Variants in TRIP12 observed in about 807,000 individuals in gnomAD.
The protein encoded by TRIP12 is thyroid hormone receptor interactor 12, also known as E3 ubiquitin-protein ligase TRIP12.
TRIP12 carries 25 observed loss-of-function variants against 244.2 expected under a neutral mutation model. That is an observed-to-expected ratio of 0.10 (90% CI 0.07 to 0.14). The LOEUF (loss-of-function observed/expected upper bound fraction) is 0.14. Among genes scored for constraint, TRIP12 ranks in the 10% least tolerant of loss-of-function variants. The probability of loss-of-function intolerance (pLI) is 1.00; values close to 1 mark genes in which losing one functional copy is unlikely to be tolerated. For missense variants in TRIP12, 1,677 were observed against 2,486.4 expected, an observed-to-expected ratio of 0.67 and a Z score of 6.92; for synonymous variants, 905 against 873.1, an observed-to-expected ratio of 1.04 and a Z score of -0.64.
rs745841963 is a variant in TRIP12 at position 229,846,821 on chromosome 2, A to G, written c.1028-5894T>C. On this transcript the variant is annotated intron_variant, in intron 4 of 41. Transcript: ENST00000675903. ...AAAGCAAATTTTTATTTCCTAGTCA[A>G]TGCACAGCATTTCATGCACTGATTT... Among the ~76,000 whole-genome samples, 11 of 152,362 alleles carry G rather than the reference A, an allele frequency of 7.2e-5. No homozygotes were observed. The South Asian group carries it at 8.3e-4, about 11-fold the overall frequency.
chr2:229,788,967 T>C (rs771950145), intron 31 of TRIP12, 27 bp from the exon 32 acceptor site: 7 of 1,511,440 alleles, frequency 4.6e-6, no homozygotes, highest in Admixed American at 1.9e-5. Flanking sequence ...AAAAAAAAAG[T>C]CTACATGTAG....
intron 7 of TRIP12, among the ~76,000 whole-genome samples, chr2:229,829,820 G>A (rs2154297772): frequency 6.6e-6 from 1 of 152,256 alleles, no homozygotes; most frequent in East Asian, 1.9e-4. Flanking sequence ...GCAGTGGCAG[G>A]CACCTGTAAT....
At chr2:229,881,232 T>C (rs1223956224) in intron 1 of TRIP12, among the ~76,000 whole-genome samples, 2 of 152,230 alleles carry the variant, frequency 1.3e-5, no homozygotes, top group Non-Finnish European at 2.9e-5. Context: ...GAACTTTCTA[T>C]AAGAAATGAT....
rs1379523996 is a variant in TRIP12, at chr2:229,764,127, ATTG to A, written c.*3424_*3426del. 1 of 152,220 alleles carries A rather than the reference ATTG, an allele frequency of 6.6e-6. No homozygotes were observed. The highest frequency in any genetic ancestry group is 1.5e-5 in the Non-Finnish European group (1 of 68,046). The allele number at this position is 152,220 out of a possible 1,614,324, so 9.4% of individuals were successfully genotyped here. On this transcript the variant is annotated 3_prime_UTR_variant, in exon 42 of 42. Coordinates refer to ENST00000675903, the MANE Select transcript of TRIP12 (RefSeq NM_001348323.3). ...ATTAAGAACTTTTCCTTGCATAAGA[ATTG>A]TTAACTTGAAGTTCTTGGAAAACAG...
intron 6 of TRIP12, among the ~76,000 whole-genome samples, chr2:229,831,525 C>A (rs2053366422): frequency 1.3e-5 from 2 of 152,176 alleles, no homozygotes; most frequent in Admixed American, 1.3e-4. Flanking sequence ...CTGAGTTGGG[C>A]ATGCCTGAGT....
chr2:229,808,125 C>T, intron 16 of TRIP12, 127 bp downstream of exon 16: 1 of 761,142 alleles, frequency 1.3e-6, no homozygotes, highest in Non-Finnish European at 2.1e-6. Context: ...CGCCACTACG[C>T]CCAGGTAATT....
At chr2:229,790,936 G>A in intron 30 of TRIP12, among the ~76,000 whole-genome samples, 188 bp downstream of exon 30, 1 of 152,064 alleles carries the variant, frequency 6.6e-6, no homozygotes, top group East Asian at 1.9e-4. Flanking sequence ...AATTTTGTAG[G>A]TACTTAATTT....
At chr2:229,802,695 C>T (rs2044696334) in intron 20 of TRIP12, among the ~76,000 whole-genome samples, 1 of 152,124 alleles carries the variant, frequency 6.6e-6, no homozygotes, top group Non-Finnish European at 1.5e-5. Flanking sequence ...TTCTAATCTT[C>T]AAAACCAGAT....
intron 4 of TRIP12, among the ~76,000 whole-genome samples, chr2:229,857,718 T>C (rs2154334909): frequency 6.6e-6 from 1 of 152,250 alleles, no homozygotes; most frequent in South Asian, 2.1e-4. Context: ...AAGAAGTCTT[T>C]TGGTAAAGAG....
In TRIP12 at chr2:229,769,227, T is replaced by C. The variant is rs1484277988; in HGVS notation, c.5903+4A>G. The stretch of plus-strand genomic sequence containing the variant: ...CAGAAAAACTGGCAGACCCCAGTAC[T>C]TACCTGTCATGAGTATAACCATGAT... On this transcript the variant is annotated splice_donor_region_variant and intron_variant, in intron 40 of 41. Coordinates refer to ENST00000675903, the MANE Select transcript of TRIP12 (RefSeq NM_001348323.3). The C allele has an allele frequency of 6.2e-7, 1 of 1,611,742 alleles. No homozygotes were observed. Among genetic ancestry groups the C allele is most frequent in the Non-Finnish European group, 8.5e-7 (1 of 1,178,958 alleles).
intron 26 of TRIP12, among the ~76,000 whole-genome samples, chr2:229,794,032 T>G (rs2042194156): frequency 6.6e-6 from 1 of 152,116 alleles, no homozygotes; most frequent in African/African-American, 2.4e-5. Flanking sequence ...CAAACATATT[T>G]TATATAAATT....
intron 18 of TRIP12, 25 bp downstream of exon 18, chr2:229,805,705 C>T (rs763758995): frequency 3.9e-6 from 6 of 1,541,466 alleles, no homozygotes; most frequent in African/African-American, 2.7e-5. Context: ...TAGTATAGTG[C>T]TATTTTAACT....
At chr2:229,916,536 CA>C (rs57883211) in intron 1 of TRIP12, among the ~76,000 whole-genome samples, 75,903 of 151,930 alleles carry the variant, frequency 0.5, 19,293 homozygotes, top group East Asian at 0.68. Context: ...GCCTGGGTGA[CA>C]AAAGTGAGAC....
At chr2:229,836,724 TAA>T (rs1208129631) in intron 6 of TRIP12, 122 bp downstream of exon 6, 34 of 1,194,612 alleles carry the variant, frequency 2.8e-5, no homozygotes, top group Non-Finnish European at 3.7e-5. Context: ...ATCAAACTGG[TAA>T]AGTAAAACAA....
chr2:229,822,136 G>A (rs568786190), intron 8 of TRIP12, among the ~76,000 whole-genome samples: 9 of 152,160 alleles, frequency 5.9e-5, no homozygotes, highest in South Asian at 2.1e-4. Context: ...GCGAGACTCC[G>A]TCTCAAAACA....
chr2:229,860,166 A>C (rs1490640953), intron 3 of TRIP12, among the ~76,000 whole-genome samples: 1 of 152,226 alleles, frequency 6.6e-6, no homozygotes, highest in Non-Finnish European at 1.5e-5. Context: ...TTGTTAAGCA[A>C]AGGGGGAATC....
chr2:229,823,452 A>G (rs1365076594), intron 8 of TRIP12, among the ~76,000 whole-genome samples: 10 of 151,864 alleles, frequency 6.6e-5, no homozygotes, highest in Admixed American at 6.6e-4. Flanking sequence ...GGTGGGGTGG[A>G]TCAGGAGGTC....
chr2:229,850,471 G>C (rs577529272), intron 4 of TRIP12, among the ~76,000 whole-genome samples: 2 of 152,158 alleles, frequency 1.3e-5, no homozygotes, highest in East Asian at 3.9e-4. Flanking sequence ...TCTTCACAGA[G>C]CTCACAGATT....
intron 4 of TRIP12, among the ~76,000 whole-genome samples, chr2:229,857,924 GT>G (rs2059879693): frequency 6.6e-6 from 1 of 152,196 alleles, no homozygotes; most frequent in African/African-American, 2.4e-5. Flanking sequence ...TATAAGAGTA[GT>G]GAAACATAAG....
Sources: allele counts gnomAD v4.1 joint callset (sites outside exome capture counted in the v4.1 genomes callset), GRCh38; gene constraint gnomAD v4.1.1; transcripts MANE v1.5; gene names NCBI Gene and HGNC (gene_info 2026-07-23, HGNC 2026-07-21).